Variants in NUP58 observed in about 807,000 individuals in gnomAD.
The protein encoded by NUP58 is nucleoporin p58/p45.
In NUP58, 17 loss-of-function variants were observed where a neutral mutation model predicts 70.1. The observed-to-expected ratio is 0.24, with a 90% CI of 0.17 to 0.36. NUP58 has a LOEUF of 0.36. NUP58 is among the 10% of genes least tolerant of loss of function. The pLI is 1.00. For synonymous variants in NUP58, 275 were observed against 257.6 expected (o/e 1.07, Z -0.65); for missense variants, 644 against 701.5 (o/e 0.92, Z 0.93).
intron 2 of NUP58, 177 bp downstream of exon 2, chr13:25,308,125 A>G (rs572643559): frequency 7.3e-6 from 4 of 546,430 alleles, no homozygotes; most frequent in East Asian, 5.8e-5. Flanking sequence ...AGGCCCAATC[A>G]TTGACTGTCA....
Position 25,340,137 on chromosome 13 carries a change from A to G in NUP58, c.*3A>G. ...GAAACAAAAGAGGAAAAAGATAAAC[A>G]TGGGTTGATGTGTTGAGAGAATCCA... is the stretch of plus-strand genomic sequence containing the variant. On this transcript the variant is annotated 3_prime_UTR_variant, in exon 16 of 16. Transcript: ENST00000381736. The G allele has an allele frequency of 1.9e-6, 3 of 1,608,816 alleles. No individual in the cohort carries two copies. The highest frequency in any genetic ancestry group is 2.5e-6 in the Non-Finnish European group (3 of 1,177,854).
intron 13 of NUP58, chr13:25,332,105 C>G: frequency 1.0e-6 from 1 of 990,752 alleles, no homozygotes; most frequent in Non-Finnish European, 1.2e-6. Context: ...CCCTCTAAAC[C>G]AAATTTTGAA....
At chr13:25,309,400 G>T in intron 3 of NUP58, 118 bp downstream of exon 3, 1 of 769,880 alleles carries the variant, frequency 1.3e-6, no homozygotes, top group Non-Finnish European at 2.1e-6. Context: ...ATAGAAAAAA[G>T]TGTGTATCAC....
chr13:25,329,418 A>G (rs1374166544), intron 12 of NUP58, among the ~76,000 whole-genome samples: 3 of 152,096 alleles, frequency 2.0e-5, no homozygotes, highest in African/African-American at 2.4e-5. Flanking sequence ...AAAATATATC[A>G]TTTTTGGTAA....
At position 25,315,464 on chromosome 13, in the gene NUP58, A is replaced by G. The variant is rs1187589218; in HGVS notation, c.682A>G (p.Lys228Glu). 6.3e-7 allele frequency: 1 copy of G among 1,595,824 alleles called. No individual in the cohort carries two copies. Among genetic ancestry groups the G allele is most frequent in the Admixed American group, 1.7e-5 (1 of 59,698 alleles). The stretch of plus-strand genomic sequence containing the variant: ...AGATTTCAGTAGCTCCTCAGATAAA[A>G]AGAGTAAGTAATGCTGTTGTAACTT... ...GIDFSSSSDK[K>E]SDKTGTRPED... Residue 228 changes from lysine to glutamate, a missense_variant, in exon 6 of 16, where the codon AAG becomes GAG. Coordinates refer to ENST00000381736, the MANE Select transcript of NUP58 (RefSeq NM_014089.4).
At chr13:25,322,286 A>C (rs117895002) in intron 9 of NUP58, among the ~76,000 whole-genome samples, 1 of 152,226 alleles carries the variant, frequency 6.6e-6, no homozygotes, top group Non-Finnish European at 1.5e-5. Flanking sequence ...TAAGTCCACT[A>C]TTGGAGAATA....
intron 13 of NUP58, chr13:25,332,968 A>G (rs1007232594): frequency 6.1e-6 from 6 of 985,234 alleles, no homozygotes; most frequent in Middle Eastern, 5.2e-4. Context: ...CCTAAAGTAG[A>G]TAAGTGTAGA....
Position 25,311,109 on chromosome 13 carries a change from C to T in NUP58, c.287-1774C>T, listed in dbSNP as rs73466654. On this transcript the variant is annotated intron_variant, in intron 3 of 15. Transcript: ENST00000381736. The stretch of plus-strand genomic sequence containing the variant: ...TGGTTTACTTTATGGGCAGGAAGCA[C>T]TTCAGAGAGAGGAGTGGCAAGTGCA... Among the ~76,000 whole-genome samples the T allele has an allele frequency of 5.5e-3, 832 of 152,262 alleles. 7 individuals carry two copies. Among genetic ancestry groups the T allele is most frequent in the African/African-American group, 0.018 (735 of 41,536 alleles).
chr13:25,323,799 C>G (rs2031284953), intron 9 of NUP58, among the ~76,000 whole-genome samples: 3 of 152,220 alleles, frequency 2.0e-5, no homozygotes, highest in Admixed American at 2.0e-4. Context: ...GTTCAGCTCT[C>G]CAGTCATTCA....
rs1335595669 is a variant in NUP58, at chr13:25,331,315, A to G, written c.1234-42A>G. ...TTCATCCACATATTAACCATAGTCA[A>G]TGTGAAACTTCATTTAGCCGTTTTG... On this transcript the variant is annotated intron_variant, in intron 12 of 15. Coordinates refer to ENST00000381736, the MANE Select transcript of NUP58 (RefSeq NM_014089.4). 5.1e-6 allele frequency: 8 copies of G among 1,562,168 alleles called. No individual in the cohort carries two copies. The African/African-American group carries it at 1.1e-4, about 21-fold the overall frequency.
At chr13:25,307,785 G>GT (rs1400226789) in intron 1 of NUP58, 21 bp from the exon 2 acceptor site, 4 of 1,611,598 alleles carry the variant, frequency 2.5e-6, no homozygotes, top group Non-Finnish European at 3.4e-6. Flanking sequence ...TTTTTGTTTT[G>GT]TTTTTGTTTC....
intron 13 of NUP58, chr13:25,331,916 T>A: frequency 9.4e-7 from 1 of 1,066,356 alleles, no homozygotes; most frequent in South Asian, 3.1e-5. Context: ...TCAGAGATCA[T>A]CCATCCATTC....
chr13:25,327,652 A>C, intron 12 of NUP58, 140 bp downstream of exon 12: 1 of 540,302 alleles, frequency 1.9e-6, no homozygotes, highest in Non-Finnish European at 3.3e-6. Flanking sequence ...TATAATCCAT[A>C]ACATACCCAG....
In NUP58 at chr13:25,309,261, A is replaced by G. The variant is rs375028850; in HGVS notation, c.265A>G (p.Ile89Val). The change falls in exon 3 of 16, where the codon ATA becomes GTA. Residue 89 changes from isoleucine to valine, a missense_variant. This residue lies in a region of NUP58 where 430 missense variants were observed against 409.2 expected (regional missense o/e 1.05). Transcript: ENST00000381736. ...TTTGTCCCCAGGAATAGCAACAACT[A>G]TAACTACAGGATTAACTCTGGGTAA... ...GGTNTGIATTITTGLTLGTPA... is the reference protein window; with the variant it reads ...GGTNTGIATTVTTGLTLGTPA... The G allele has an allele frequency of 7.7e-5, 124 of 1,607,198 alleles. 1 individual carries two copies. The highest frequency in any genetic ancestry group is 9.8e-5 in the Non-Finnish European group (115 of 1,174,368).
chr13:25,348,921 C>T (rs1183892945), intron 3 of NUP58, among the ~76,000 whole-genome samples: 1 of 152,138 alleles, frequency 6.6e-6, no homozygotes, highest in Non-Finnish European at 1.5e-5. Flanking sequence ...TCTACTTTTA[C>T]CAGTCCCTCC....
intron 13 of NUP58, chr13:25,335,734 A>T: frequency 1.0e-6 from 1 of 983,502 alleles, no homozygotes; most frequent in South Asian, 4.7e-5. Flanking sequence ...TTATAATTTT[A>T]CACTACCTTT....
chr13:25,327,910 G>A lies in NUP58; in HGVS notation c.1233+398G>A, dbSNP rs995086356. 2.0e-5 allele frequency among the ~76,000 whole-genome samples: 3 copies of A among 151,594 alleles called. No homozygotes were observed. The East Asian group carries it at 5.8e-4, about 29-fold the overall frequency. ...ACTATAAATAGCACTATAGAAAATA[G>A]GCATTCTTAGTCAGGCACAGTGGCT... On this transcript the variant is annotated intron_variant, in intron 12 of 15. Transcript: ENST00000381736.
At chr13:25,335,323 A>T (rs2031742944) in intron 13 of NUP58, 1 of 985,300 alleles carries the variant, frequency 1.0e-6, no homozygotes, top group African/African-American at 1.7e-5. Flanking sequence ...CTATTTGAGT[A>T]ACTCTTACGA....
Position 25,331,305 on chromosome 13 carries a change from A to G in NUP58, c.1234-52A>G. ...TATGGTTATATTCATCCACATATTA[A>G]CCATAGTCAATGTGAAACTTCATTT... is the stretch of plus-strand genomic sequence containing the variant. On this transcript the variant is annotated intron_variant, in intron 12 of 15. Transcript: ENST00000381736. 2.0e-6 allele frequency: 3 copies of G among 1,522,874 alleles called. No homozygotes were observed. The East Asian group carries it at 6.8e-5, about 35-fold the overall frequency. 94.3% of individuals were successfully genotyped at this position (1,522,874 alleles called of 1,614,324 possible). A position where few individuals can be genotyped will look rare whatever the true frequency, so the allele number is the denominator to read the frequency against.
Sources: gnomAD v4.1 joint callset for allele counts (sites outside exome capture counted in the v4.1 genomes callset) on GRCh38, gnomAD v4.1.1 for gene constraint, gnomAD v4.1.1 regional missense constraint, MANE v1.5 for transcripts, NCBI Gene and HGNC (gene_info 2026-07-23, HGNC 2026-07-21) for gene names.